Variants in SPEF2 observed in about 807,000 individuals in gnomAD.
SPEF2 encodes sperm flagella and cilia-associated protein 2.
Under a neutral mutation model 224.6 loss-of-function variants are expected in SPEF2, and 187 were observed. The observed-to-expected ratio is 0.83, with a 90% confidence interval of 0.74 to 0.94. The LOEUF (loss-of-function observed/expected upper bound fraction) is 0.94, where lower values mean the gene tolerates loss of function less well. Among genes scored for constraint, SPEF2 ranks in the 40% least tolerant of loss-of-function variants. The pLI, the probability that SPEF2 is intolerant of heterozygous loss-of-function variation, is 0.00. For missense variants in SPEF2, 2,170 were observed against 2,135.6 expected, an observed-to-expected ratio of 1.02 and a Z score of -0.32; for synonymous variants, 715 against 707.3, an observed-to-expected ratio of 1.01 and a Z score of -0.17.
chr5:35,694,901 A>C (rs1169706209), intron 13 of SPEF2, among the ~76,000 whole-genome samples: 1 of 152,202 alleles, frequency 6.6e-6, no homozygotes, highest in African/African-American at 2.4e-5. Context: ...GCAGTCCTTC[A>C]GATCCTTTGT....
chr5:35,770,777 C>T (rs1302522285), intron 26 of SPEF2, among the ~76,000 whole-genome samples: 1 of 152,156 alleles, frequency 6.6e-6, no homozygotes, highest in Non-Finnish European at 1.5e-5. Context: ...AAGGACAGAG[C>T]TTCTCCATTC....
rs1261519601 is a variant in SPEF2, at chr5:35,647,034, C to T, written c.726+227C>T. On this transcript the variant is annotated intron_variant, in intron 5 of 36. Coordinates refer to ENST00000356031, the MANE Select transcript of SPEF2 (RefSeq NM_024867.4). ...AGCTTTAGGCCAGCAATGGCAAACTCCTATTAAATGGCAGTCTGGACTCCT... is the reference window on the plus strand; with the variant it reads ...AGCTTTAGGCCAGCAATGGCAAACTTCTATTAAATGGCAGTCTGGACTCCT... 2.0e-5 allele frequency among the ~76,000 whole-genome samples: 3 copies of T among 152,176 alleles called. No homozygotes were observed. The East Asian group carries it at 5.8e-4, about 30-fold the overall frequency.
chr5:35,736,281 T>C (rs1047202331), intron 21 of SPEF2, among the ~76,000 whole-genome samples: 2 of 152,088 alleles, frequency 1.3e-5, no homozygotes, highest in Non-Finnish European at 2.9e-5. Flanking sequence ...AAATCAGAAA[T>C]ATAAGGTGGA....
chr5:35,711,971 T>A (rs2149599758), intron 19 of SPEF2, among the ~76,000 whole-genome samples: 1 of 152,082 alleles, frequency 6.6e-6, no homozygotes, highest in South Asian at 2.1e-4. Flanking sequence ...ATGTAGTGAA[T>A]TTTTTTTAAA....
chr5:35,788,924 C>T, intron 30 of SPEF2: 2 of 703,022 alleles, frequency 2.8e-6, no homozygotes, highest in Non-Finnish European at 5.2e-6. Flanking sequence ...TCACCTTCGA[C>T]CTGTGATGCC....
chr5:35,700,009 T>C (rs1738275095), intron 15 of SPEF2: 1 of 157,156 alleles, frequency 6.4e-6, no homozygotes, highest in African/African-American at 2.4e-5. Context: ...TGTGCTGTTT[T>C]CGTGATAGTG....
intron 2 of SPEF2, among the ~76,000 whole-genome samples, chr5:35,631,575 A>G (rs756666663): frequency 5.3e-5 from 8 of 152,224 alleles, no homozygotes; most frequent in Admixed American, 3.3e-4. Context: ...AAAGGTAAAC[A>G]TAGACTCTCA....
At chr5:35,681,696 AT>A (rs577087355) in intron 10 of SPEF2, among the ~76,000 whole-genome samples, 67 of 152,200 alleles carry the variant, frequency 4.4e-4, no homozygotes, top group African/African-American at 1.4e-3. Flanking sequence ...GATTTCATAA[AT>A]TTTTTTTGTG....
chr5:35,807,031 G>C (rs1758156783), intron 35 of SPEF2, 79 bp downstream of exon 35: 2 of 1,558,512 alleles, frequency 1.3e-6, no homozygotes, highest in South Asian at 2.5e-5. Context: ...ATATATCATA[G>C]TATGAAATTA....
intron 5 of SPEF2, among the ~76,000 whole-genome samples, chr5:35,647,131 A>G (rs1460438583): frequency 6.6e-6 from 1 of 152,240 alleles, no homozygotes; most frequent in East Asian, 1.9e-4. Flanking sequence ...GTCATGTCTT[A>G]TCCATTGTGT....
chr5:35,753,510 TA>T, intron 23 of SPEF2, 113 bp from the exon 24 acceptor site: 1 of 1,422,856 alleles, frequency 7.0e-7, no homozygotes. Context: ...GCAATTGGTG[TA>T]AAATTTCTTT....
chr5:35,648,784 C>T (rs746670597), intron 5 of SPEF2, among the ~76,000 whole-genome samples: 2 of 152,022 alleles, frequency 1.3e-5, no homozygotes, highest in African/African-American at 4.8e-5. Flanking sequence ...AAGGCCGAGG[C>T]GGGAGGATCA....
chr5:35,680,181 T>C (rs1360647619), intron 10 of SPEF2, among the ~76,000 whole-genome samples: 1 of 152,194 alleles, frequency 6.6e-6, no homozygotes, highest in Non-Finnish European at 1.5e-5. Context: ...CTGTTTTTCA[T>C]ATATTACATC....
chr5:35,692,135 G>C (rs1754594940), intron 11 of SPEF2, among the ~76,000 whole-genome samples: 1 of 152,114 alleles, frequency 6.6e-6, no homozygotes, highest in Non-Finnish European at 1.5e-5. Context: ...ATCCGGCTGG[G>C]TGTGGTAGCT....
chr5:35,707,703 A>G (rs994750669), intron 18 of SPEF2, among the ~76,000 whole-genome samples: 3 of 152,130 alleles, frequency 2.0e-5, no homozygotes, highest in African/African-American at 7.2e-5. Flanking sequence ...CAATGATGGG[A>G]GCCTAGAAAG....
chr5:35,757,875 T>C (rs995242952), intron 24 of SPEF2, among the ~76,000 whole-genome samples: 1 of 152,202 alleles, frequency 6.6e-6, no homozygotes, highest in Admixed American at 6.5e-5. Context: ...GTACTTTTAT[T>C]TTTTAACTTA....
At chr5:35,761,411 ATGT>A (rs1751266282) in intron 25 of SPEF2, among the ~76,000 whole-genome samples, 1 of 152,196 alleles carries the variant, frequency 6.6e-6, no homozygotes, top group African/African-American at 2.4e-5. Flanking sequence ...TGCTCAATAA[ATGT>A]AGATTATTAC....
rs1165600109 is a variant in SPEF2, at chr5:35,671,020, A to G, written c.1524+793A>G. 3.0e-6 allele frequency: 3 copies of G among 985,292 alleles called. No individual in the cohort carries two copies. The East Asian group carries it at 3.3e-4, about 110-fold the overall frequency. 61.0% of individuals were successfully genotyped at this position (985,292 alleles called of 1,614,324 possible). ...CACCCTTAGAAGTAAAGGTGTAACA[A>G]TCATAGCTTTTGGATAGAAATTTTG... On this transcript the variant is annotated intron_variant, in intron 10 of 36. Transcript: ENST00000356031.
intron 33 of SPEF2, 111 bp downstream of exon 33, chr5:35,795,906 C>T (rs1756596020): frequency 3.4e-6 from 3 of 877,222 alleles, no homozygotes; most frequent in East Asian, 4.9e-5. Flanking sequence ...CCCTCAATTC[C>T]TCTGCTGCCT....
Sources: allele counts gnomAD v4.1 joint callset (sites outside exome capture counted in the v4.1 genomes callset), GRCh38; gene constraint gnomAD v4.1.1; transcripts MANE v1.5; gene names NCBI Gene and HGNC (gene_info 2026-07-23, HGNC 2026-07-21).